CTNNA3: variants seen among roughly 807,000 people sequenced by gnomAD.
The protein encoded by CTNNA3 is catenin alpha-3.
CTNNA3 carries 76 observed loss-of-function variants against 95.7 expected under a neutral mutation model. That is an observed-to-expected ratio of 0.79 (90% CI 0.66 to 0.96). The LOEUF is 0.96. Ranked by LOEUF, CTNNA3 falls within the 40% of genes least tolerant of loss-of-function variation. The pLI is 0.00. For missense variants in CTNNA3, 1,191 were observed against 1,089.8 expected (o/e 1.09, Z -1.31); for synonymous variants, 431 against 374.4 (o/e 1.15, Z -1.74).
intron 15 of CTNNA3, among the ~76,000 whole-genome samples, chr10:66,045,574 G>A (rs1016154724): frequency 7.2e-5 from 11 of 152,096 alleles, no homozygotes; most frequent in African/African-American, 2.7e-4. Context: ...ATAATAGAAG[G>A]TGCTCTAACT....
At chr10:67,596,166 A>G (rs1039237959) in intron 3 of CTNNA3, among the ~76,000 whole-genome samples, 3 of 152,198 alleles carry the variant, frequency 2.0e-5, no homozygotes, top group Non-Finnish European at 4.4e-5. Context: ...TGATCCTGCC[A>G]TCTATGTTGT....
At chr10:67,525,401 A>G (rs979601701) in intron 4 of CTNNA3, among the ~76,000 whole-genome samples, 1 of 152,220 alleles carries the variant, frequency 6.6e-6, no homozygotes, top group Non-Finnish European at 1.5e-5. Context: ...AGAAACTATA[A>G]TTGCTCATCT....
At position 66,503,848 on chromosome 10, in the gene CTNNA3, T is replaced by C. The variant is rs375222897; in HGVS notation, c.1531+16769A>G. On this transcript the variant is annotated intron_variant, in intron 11 of 17. Coordinates refer to ENST00000433211, the MANE Select transcript of CTNNA3 (RefSeq NM_013266.4). The stretch of plus-strand genomic sequence containing the variant: ...CCTGTCAAATCTATAAGAATTACTT[T>C]AGCGGTGAAATTTTAGTAAGAACGA... 3.3e-5 allele frequency among the ~76,000 whole-genome samples: 5 copies of C among 152,316 alleles called. No individual in the cohort carries two copies. In the South Asian group the frequency reaches 1.0e-3, roughly 32 times the overall value.
rs190993017 is a variant in CTNNA3, at chr10:66,933,754, A to G, written c.1048-158230T>C. On this transcript the variant is annotated intron_variant, in intron 7 of 17. Coordinates refer to ENST00000433211, the MANE Select transcript of CTNNA3 (RefSeq NM_013266.4). ...TATAAATGTACAGGGACTTCCTTTT[A>G]TATGTCATTGCTTATGCAAAATTAC... Among the ~76,000 whole-genome samples, 261 of 152,306 alleles carry G rather than the reference A, an allele frequency of 1.7e-3. 2 individuals carry two copies. The highest frequency in any genetic ancestry group is 1.8e-3 in the Non-Finnish European group (120 of 68,014).
intron 1 of CTNNA3, among the ~76,000 whole-genome samples, chr10:67,709,170 G>T (rs1841093622): frequency 6.6e-6 from 1 of 152,092 alleles, no homozygotes; most frequent in South Asian, 2.1e-4. Context: ...CAGCATTTCA[G>T]TAGTGACATG....
chr10:66,941,579 A>G (rs1170000466), intron 7 of CTNNA3, among the ~76,000 whole-genome samples: 1 of 152,188 alleles, frequency 6.6e-6, no homozygotes. Flanking sequence ...GATCTGAAAA[A>G]AAATCAAAGG....
chr10:67,592,101 G>T (rs1328869731), intron 3 of CTNNA3, among the ~76,000 whole-genome samples: 1 of 152,026 alleles, frequency 6.6e-6, no homozygotes, highest in African/African-American at 2.4e-5. Context: ...CCAATTGAAT[G>T]GTGCTTTTTC....
chr10:67,341,966 T>C lies in CTNNA3; in HGVS notation c.580-122096A>G, dbSNP rs531999178. On this transcript the variant is annotated intron_variant, in intron 5 of 17. Transcript: ENST00000433211. Reference sequence around the variant, plus strand: ...GAGCAATGATATTTAGCACCTTCCATATGCCTTTTTGCCATTTATGTGTCT... The same window carrying C: ...GAGCAATGATATTTAGCACCTTCCACATGCCTTTTTGCCATTTATGTGTCT... Among the ~76,000 whole-genome samples the C allele has an allele frequency of 3.5e-4, 53 of 151,626 alleles. 1 individual carries two copies. In the South Asian group the frequency reaches 8.6e-3, roughly 25 times the overall value.
rs1293070164 is a variant in CTNNA3, at chr10:65,920,497, G to A, written c.2521C>T (p.Pro841Ser). ...KIIRIQSPAG[P>S]RHPVVMWRMK... Reference sequence around the variant, plus strand: ...CTCCACATCACAACTGGGTGCCGGGGCCCAGCAGGACTCTGGATTCGGATG... The same window carrying A: ...CTCCACATCACAACTGGGTGCCGGGACCCAGCAGGACTCTGGATTCGGATG... Residue 841 changes from proline (P) to serine (S), a missense_variant, in exon 18 of 18, where the codon CCC becomes TCC. Coordinates refer to ENST00000433211, the MANE Select transcript of CTNNA3 (RefSeq NM_013266.4). 1 of 1,613,974 alleles carries A rather than the reference G, an allele frequency of 6.2e-7. No homozygotes were observed. The highest frequency in any genetic ancestry group is 1.3e-5 in the African/African-American group (1 of 74,894).
rs566397146 is a variant in CTNNA3, at chr10:66,762,195, A to G, written c.1281+4069T>C. On this transcript the variant is annotated intron_variant, in intron 9 of 17. Transcript: ENST00000433211. ...TTATTGGCAGAAGCCAGTAGAGATAACGGTGCCCTAAATCACCAACAAGGT... is the reference window on the plus strand; with the variant it reads ...TTATTGGCAGAAGCCAGTAGAGATAGCGGTGCCCTAAATCACCAACAAGGT... Among the ~76,000 whole-genome samples, 246 of 152,264 alleles carry G rather than the reference A, an allele frequency of 1.6e-3. 1 individual carries two copies. Among genetic ancestry groups the G allele is most frequent in the African/African-American group, 5.6e-3 (232 of 41,572 alleles).
intron 3 of CTNNA3, among the ~76,000 whole-genome samples, chr10:67,596,697 AG>A (rs1057456283): frequency 2.6e-5 from 4 of 152,218 alleles, no homozygotes; most frequent in African/African-American, 9.6e-5. Context: ...AGATGCCTAT[AG>A]TACTATTTCT....
At chr10:66,364,089 A>G (rs2092695003) in intron 12 of CTNNA3, among the ~76,000 whole-genome samples, 2 of 151,874 alleles carry the variant, frequency 1.3e-5, no homozygotes, top group African/African-American at 4.8e-5. Context: ...TTTGCCTACT[A>G]AACCACAATA....
chr10:66,237,186 A>G (rs12221131), intron 13 of CTNNA3, among the ~76,000 whole-genome samples: 36,177 of 152,006 alleles, frequency 0.24, 4,551 homozygotes, highest in South Asian at 0.32. Flanking sequence ...CACAATTATA[A>G]AAAAGGAAAG....
chr10:67,526,349 ATTTTTT>A (rs34051034), intron 4 of CTNNA3, among the ~76,000 whole-genome samples: 1 of 135,650 alleles, frequency 7.4e-6, no homozygotes. Context: ...ATCTCAAATG[ATTTTTT>A]TTTTTTTTTT....
chr10:67,605,991 C>T (rs1476238380), intron 3 of CTNNA3, among the ~76,000 whole-genome samples: 2 of 152,116 alleles, frequency 1.3e-5, no homozygotes, highest in Non-Finnish European at 2.9e-5. Flanking sequence ...TTTAAATCCC[C>T]TGTATCATAC....
chr10:66,613,640 T>G (rs1195358914), intron 10 of CTNNA3, among the ~76,000 whole-genome samples: 3 of 152,090 alleles, frequency 2.0e-5, no homozygotes, highest in African/African-American at 7.2e-5. Flanking sequence ...TAGTCAGTCT[T>G]GAGGATACAC....
intron 7 of CTNNA3, among the ~76,000 whole-genome samples, chr10:66,934,651 AAAACAAAGTATAGGACTTTATGTAT>A (rs1847590171): frequency 1.3e-5 from 2 of 152,158 alleles, no homozygotes; most frequent in African/African-American, 4.8e-5. Flanking sequence ...TAATTCCTAG[AAAACAAAGTATAGGACTTTATGTAT>A]AGGGGTACTC....
chr10:66,018,403 G>T (rs1302616948), intron 15 of CTNNA3, among the ~76,000 whole-genome samples: 1 of 151,940 alleles, frequency 6.6e-6, no homozygotes, highest in African/African-American at 2.4e-5. Flanking sequence ...CAATGTGAAA[G>T]CATTGTAAAT....
chr10:67,701,056 G>T (rs955662153), upstream of CTNNA3, among the ~76,000 whole-genome samples: 2 of 152,138 alleles, frequency 1.3e-5, no homozygotes, highest in Non-Finnish European at 2.9e-5. Flanking sequence ...TGAAATGAAG[G>T]GAGAAGGGAA....
Sources: gnomAD v4.1 joint callset for allele counts (sites outside exome capture counted in the v4.1 genomes callset) on GRCh38, gnomAD v4.1.1 for gene constraint, MANE v1.5 for transcripts, NCBI Gene and HGNC (gene_info 2026-07-23, HGNC 2026-07-21) for gene names.